Variants in CRTC3 observed in about 807,000 individuals in gnomAD.
The protein encoded by CRTC3 is CREB-regulated transcription coactivator 3.
A neutral mutation model predicts 74.5 loss-of-function variants in CRTC3; 26 were observed. The ratio of observed to expected loss-of-function variants is 0.35; its 90% CI spans 0.26 to 0.48. CRTC3 has a LOEUF of 0.48. CRTC3 is among the 20% of genes least tolerant of loss of function. CRTC3 has a pLI of 0.99. For synonymous variants in CRTC3, 377 were observed against 325.8 expected (o/e 1.16, Z -1.69); for missense variants, 760 against 787.3 (o/e 0.97, Z 0.41).
At chr15:90,573,093 A>C (rs898030829) in intron 2 of CRTC3, among the ~76,000 whole-genome samples, 1 of 152,150 alleles carries the variant, frequency 6.6e-6, no homozygotes, top group African/African-American at 2.4e-5. Flanking sequence ...TCACCATTCT[A>C]CTTTCTGTTT....
intron 10 of CRTC3, among the ~76,000 whole-genome samples, chr15:90,627,044 C>A (rs1369053100): frequency 6.6e-6 from 1 of 152,204 alleles, no homozygotes; most frequent in Non-Finnish European, 1.5e-5. Context: ...CAGTGATGGT[C>A]TCCAGGTGAA....
chr15:90,607,413 T>C lies in CRTC3; in HGVS notation c.512T>C (p.Leu171Pro). The change falls in exon 6 of 15, where the codon CTG becomes CCG. Residue 171 changes from leucine to proline, a missense_variant. Leu to Pro is a moderately conservative substitution (Grantham distance 98, BLOSUM62 -3). Around this residue, in one of 2 missense-constraint regions of CRTC3, gnomAD observed 652 missense variants for 635.2 expected, o/e 1.03. Coordinates refer to ENST00000268184, the MANE Select transcript of CRTC3 (RefSeq NM_022769.5). Reference protein sequence around the residue: ...NSDSALHTSALSTKPQDPYGG... With the variant: ...NSDSALHTSAPSTKPQDPYGG... ...GATTCTGCTCTTCACACGAGTGCTC[T>C]GAGTACCAAGCCCCAGGACCCCTAT... The C allele has an allele frequency of 6.2e-7, 1 of 1,613,492 alleles. No individual in the cohort carries two copies. The highest frequency in any genetic ancestry group is 8.5e-7 in the Non-Finnish European group (1 of 1,179,678).
chr15:90,572,344 A>G (rs761972787), intron 2 of CRTC3, among the ~76,000 whole-genome samples: 1 of 152,162 alleles, frequency 6.6e-6, no homozygotes, highest in Non-Finnish European at 1.5e-5. Flanking sequence ...TCACTATTAC[A>G]GAGGAAAACT....
chr15:90,588,929 A>G (rs923579851), intron 2 of CRTC3, among the ~76,000 whole-genome samples: 6 of 152,178 alleles, frequency 3.9e-5, no homozygotes, highest in African/African-American at 1.4e-4. Flanking sequence ...AGTTATTATC[A>G]TTTCCACTTT....
intron 2 of CRTC3, among the ~76,000 whole-genome samples, chr15:90,590,299 AT>A (rs1199210010): frequency 6.6e-6 from 1 of 152,190 alleles, no homozygotes; most frequent in African/African-American, 2.4e-5. Flanking sequence ...TCTCAAAAAA[AT>A]AATAATAAAA....
intron 13 of CRTC3, 142 bp downstream of exon 13, chr15:90,638,957 T>C (rs1762735768): frequency 1.4e-6 from 1 of 718,016 alleles, no homozygotes; most frequent in Non-Finnish European, 2.4e-6. Flanking sequence ...GAAGAGCCTT[T>C]CATCTTCTTT....
At chr15:90,550,861 C>T (rs1249571442) in intron 2 of CRTC3, among the ~76,000 whole-genome samples, 1 of 152,034 alleles carries the variant, frequency 6.6e-6, no homozygotes, top group Non-Finnish European at 1.5e-5. Context: ...GAAGGATGAG[C>T]TCTGCCTGTC....
intron 11 of CRTC3, among the ~76,000 whole-genome samples, chr15:90,633,976 C>G (rs1325784922): frequency 6.6e-6 from 1 of 151,406 alleles, no homozygotes. Flanking sequence ...GCAATATCAT[C>G]TTTTATCTCT....
Position 90,609,420 on chromosome 15 carries a change from G to A in CRTC3, c.577+1942G>A, listed in dbSNP as rs959471190. 2.6e-5 allele frequency among the ~76,000 whole-genome samples: 4 copies of A among 152,332 alleles called. No homozygotes were observed. In the East Asian group the frequency reaches 7.7e-4, roughly 29 times the overall value. On this transcript the variant is annotated intron_variant, in intron 6 of 14. Transcript: ENST00000268184. The stretch of plus-strand genomic sequence containing the variant: ...CTAAAAAAAGCAGAGGCTGTAATCA[G>A]TGGGGGTGCCTGTGAGCACAGCAGG...
chr15:90,542,827 C>T (rs946822921), intron 2 of CRTC3, among the ~76,000 whole-genome samples: 9 of 152,140 alleles, frequency 5.9e-5, no homozygotes, highest in African/African-American at 1.9e-4. Context: ...GATTACAGGC[C>T]AGTTTTTTTG....
At chr15:90,629,973 C>T (rs1156957325) in intron 11 of CRTC3, among the ~76,000 whole-genome samples, 4 of 152,176 alleles carry the variant, frequency 2.6e-5, no homozygotes, top group African/African-American at 9.7e-5. Flanking sequence ...ATCCTCCCAG[C>T]GTGGCCTCCC....
chr15:90,563,907 A>C (rs1025981906), intron 2 of CRTC3, among the ~76,000 whole-genome samples: 1 of 152,152 alleles, frequency 6.6e-6, no homozygotes, highest in African/African-American at 2.4e-5. Context: ...TTTCAAACAA[A>C]ATTACTGCCA....
rs1209842080 is a variant in CRTC3 at position 90,643,559 on chromosome 15, T to C, written c.*1419T>C. The C allele has an allele frequency of 8.7e-6, 2 of 229,578 alleles. No homozygotes were observed. The highest frequency in any genetic ancestry group is 1.2e-4 in the East Asian group (2 of 16,170). 14.2% of individuals were successfully genotyped at this position (229,578 alleles called of 1,614,324 possible). On this transcript the variant is annotated 3_prime_UTR_variant, in exon 15 of 15. Coordinates refer to ENST00000268184, the MANE Select transcript of CRTC3 (RefSeq NM_022769.5). ...AATTGCTTCAAGTAGAGATTCATTCTTTGAGGTTGAAAAAATAGTTTATAG... is the reference window on the plus strand; with the variant it reads ...AATTGCTTCAAGTAGAGATTCATTCCTTGAGGTTGAAAAAATAGTTTATAG...
At position 90,642,027 on chromosome 15, in the gene CRTC3, G is replaced by A; in HGVS notation, c.1747G>A (p.Glu583Lys). 1.9e-6 allele frequency: 3 copies of A among 1,613,918 alleles called. No individual in the cohort carries two copies. The highest frequency in any genetic ancestry group is 2.5e-6 in the Non-Finnish European group (3 of 1,179,946). Reference protein sequence around the residue: ...LNVDTPFPLEEELQIEPLSLD... With the variant: ...LNVDTPFPLEKELQIEPLSLD... ...CGTGGACACTCCATTTCCACTGGAA[G>A]AGGAGCTGCAGATTGAACCCCTGAG... Residue 583 changes from glutamate to lysine, a missense_variant, in exon 15 of 15, where the codon GAG (glutamate) becomes AAG (lysine). Around this residue, in one of 2 missense-constraint regions of CRTC3, gnomAD observed 652 missense variants for 635.2 expected, o/e 1.03. Transcript: ENST00000268184.
intron 11 of CRTC3, among the ~76,000 whole-genome samples, chr15:90,633,060 T>G (rs986832117): frequency 2.0e-5 from 3 of 152,192 alleles, no homozygotes; most frequent in African/African-American, 7.2e-5. Context: ...CACAATTTCC[T>G]ACCCACCCTC....
At chr15:90,633,816 T>C (rs1362584979) in intron 11 of CRTC3, among the ~76,000 whole-genome samples, 2 of 152,134 alleles carry the variant, frequency 1.3e-5, no homozygotes, top group African/African-American at 4.8e-5. Context: ...TGTTTGTTTG[T>C]TTTGCTTTGC....
At chr15:90,619,205 C>G (rs1377154871) in intron 8 of CRTC3, among the ~76,000 whole-genome samples, 3 of 152,120 alleles carry the variant, frequency 2.0e-5, no homozygotes, top group African/African-American at 7.2e-5. Context: ...GCCTGTAATC[C>G]CAGCACTTTG....
intron 7 of CRTC3, 73 bp from the exon 8 acceptor site, chr15:90,617,810 C>T (rs1197721130): frequency 1.4e-5 from 14 of 968,694 alleles, no homozygotes; most frequent in African/African-American, 1.4e-4. Context: ...GGATTATAGG[C>T]GTGAGCCACC....
intron 11 of CRTC3, among the ~76,000 whole-genome samples, chr15:90,637,662 C>T (rs1969290250): frequency 6.6e-6 from 1 of 152,188 alleles, no homozygotes; most frequent in Non-Finnish European, 1.5e-5. Flanking sequence ...TAGAACCTTC[C>T]AGTCTCCTGG....
Sources: gnomAD v4.1 joint callset for allele counts (sites outside exome capture counted in the v4.1 genomes callset) on GRCh38, gnomAD v4.1.1 for gene constraint, gnomAD v4.1.1 regional missense constraint, MANE v1.5 for transcripts, NCBI Gene and HGNC (gene_info 2026-07-23, HGNC 2026-07-21) for gene names.